Variants in PINLYP observed in about 807,000 individuals in gnomAD.
PINLYP encodes the protein phospholipase A2 inhibitor and Ly6/PLAUR domain-containing protein.
Under a neutral mutation model 15.8 loss-of-function variants are expected in PINLYP, and 12 were observed. That is an observed-to-expected ratio of 0.76 (90% CI 0.49 to 1.23). The LOEUF (loss-of-function observed/expected upper bound fraction) is 1.23, where lower values mean the gene tolerates loss of function less well. Ranked by LOEUF, PINLYP falls within the 50% of genes most tolerant of loss-of-function variation. PINLYP has a pLI of 0.00. For missense variants in PINLYP, 278 were observed against 264.2 expected (o/e 1.05, Z -0.36); for synonymous variants, 93 against 97.7 (o/e 0.95, Z 0.28).
At position 43,581,680 on chromosome 19, in the gene PINLYP, C is replaced by T. The variant is rs1294507945; in HGVS notation, c.458C>T (p.Ser153Phe). ...ACTGGAAAGGAAAACCACTGCGTCT[C>T]CTTATCTGGACACGTGCAGGCTGGT... The change falls in exon 5 of 6, where the codon TCC becomes TTC. Residue 153 changes from serine to phenylalanine, a missense_variant. Coordinates refer to ENST00000599207, the Ensembl canonical transcript of PINLYP. 3 of 1,536,362 alleles carry T rather than the reference C, an allele frequency of 2.0e-6. No homozygotes were observed. The South Asian group carries it at 3.6e-5, about 18-fold the overall frequency.
rs35099263 is a variant in PINLYP, at chr19:43,576,476, C to CCA, written c.-503_-502dup. Among the ~76,000 whole-genome samples, 27,265 of 150,462 alleles carry CCA rather than the reference C, an allele frequency of 0.18. 2,485 individuals carry two copies. Among genetic ancestry groups the CCA allele is most frequent in the Non-Finnish European group, 0.2 (13,799 of 67,434 alleles). On this transcript the variant is annotated 5_prime_UTR_variant, in exon 1 of 6. An upstream open reading frame in the 5' UTR gains an earlier in-frame stop. Coordinates refer to ENST00000599207, the Ensembl canonical transcript of PINLYP. ...ACACAAAGCATGTGCCCAACCCCCA[C>CCA]CACACACACACACACACACCCCTAT...
intron 3 of PINLYP, chr19:43,580,604 A>G (rs1250136414): frequency 1.2e-5 from 8 of 656,990 alleles, no homozygotes; most frequent in African/African-American, 1.1e-4. Context: ...CCGGAAGGAC[A>G]GGGAGAGAGG....
chr19:43,580,570 T>C, intron 3 of PINLYP: 1 of 956,374 alleles, frequency 1.0e-6, no homozygotes, highest in Non-Finnish European at 1.2e-6. Flanking sequence ...GGGGTGGCCA[T>C]AGGCGGCCTG....
intron 3 of PINLYP, 177 bp downstream of exon 3, chr19:43,578,883 G>A (rs1174662419): frequency 1.7e-6 from 1 of 572,006 alleles, no homozygotes; most frequent in South Asian, 1.9e-5. Context: ...GAAATAAGTG[G>A]TGTGATAGAA....
At chr19:43,575,585 G>A, upstream of PINLYP, 1 of 1,041,950 alleles carries the variant, frequency 9.6e-7, no homozygotes, top group Non-Finnish European at 1.3e-6. Context: ...CGAGGCTCGG[G>A]CCTTTCAAAC....
chr19:43,577,497 G>A (rs1320339003), intron 2 of PINLYP, among the ~76,000 whole-genome samples: 3 of 151,918 alleles, frequency 2.0e-5, no homozygotes, highest in Non-Finnish European at 4.4e-5. Context: ...GGCTTGGTGG[G>A]CTCTGAATCC....
chr19:43,577,364 C>G (rs1194548200), intron 2 of PINLYP, 103 bp downstream of exon 2: 48 of 1,224,148 alleles, frequency 3.9e-5, no homozygotes, highest in Non-Finnish European at 5.0e-5. Context: ...TTCAGCAAGT[C>G]CTCAAGGTGA....
At chr19:43,579,953 C>G (rs571655516) in intron 3 of PINLYP, among the ~76,000 whole-genome samples, 2 of 151,970 alleles carry the variant, frequency 1.3e-5, no homozygotes, top group East Asian at 3.9e-4. Context: ...AAAGAGACCA[C>G]CCCAGACCTG....
chr19:43,576,301 C>A (rs1212344020), exon 1 of PINLYP, among the ~76,000 whole-genome samples: 2 of 152,138 alleles, frequency 1.3e-5, no homozygotes, highest in Non-Finnish European at 2.9e-5. Context: ...ATGGCTCAGG[C>A]GGCTGCACTC....
rs1370165516 is a variant in PINLYP, at chr19:43,581,656, C to T, written c.434C>T (p.Thr145Ile). The T allele has an allele frequency of 5.9e-6, 9 of 1,536,444 alleles. No individual in the cohort carries two copies. The highest frequency in any genetic ancestry group is 7.8e-6 in the Non-Finnish European group (9 of 1,146,984). Residue 145 changes from threonine to isoleucine, a missense_variant, in exon 5 of 6, where the codon ACT becomes ATT. By Grantham distance (89) the Thr-to-Ile change is moderately conservative. Transcript: ENST00000599207. ...TGCATGGGGCCCATGACCCACTGTACTGGAAAGGAAAACCACTGCGTCTCC... is the reference window on the plus strand; with the variant it reads ...TGCATGGGGCCCATGACCCACTGTATTGGAAAGGAAAACCACTGCGTCTCC...
chr19:43,581,836 T>A, intron 5 of PINLYP, 32 bp from the exon 6 acceptor site: 1 of 1,536,152 alleles, frequency 6.5e-7, no homozygotes, highest in Non-Finnish European at 8.7e-7. Context: ...GGGGCTGAGG[T>A]CCCTGATTCC....
At chr19:43,580,161 G>A (rs1972912710) in intron 3 of PINLYP, among the ~76,000 whole-genome samples, 1 of 152,112 alleles carries the variant, frequency 6.6e-6, no homozygotes, top group South Asian at 2.1e-4. Flanking sequence ...AAATCACCCA[G>A]CCAGCGTTGG....
chr19:43,581,055 C>T, intron 3 of PINLYP, 157 bp from the exon 4 acceptor site: 1 of 917,250 alleles, frequency 1.1e-6, no homozygotes, highest in Non-Finnish European at 1.6e-6. Flanking sequence ...TGGGCAACTC[C>T]GTCTAAAAAA....
chr19:43,578,861 A>T (rs1181560723), intron 3 of PINLYP, 155 bp downstream of exon 3: 2 of 619,624 alleles, frequency 3.2e-6, no homozygotes, highest in Non-Finnish European at 2.9e-6. Flanking sequence ...CCATCATGAG[A>T]TGGAGGGAAC....
chr19:43,577,382 G>A, intron 2 of PINLYP, 121 bp downstream of exon 2: 3 of 1,070,032 alleles, frequency 2.8e-6, no homozygotes, highest in Non-Finnish European at 3.8e-6. Context: ...TGAACGGGGA[G>A]GCATTCTGGA....
upstream of PINLYP, chr19:43,575,596 C>T (rs1349789446): frequency 4.7e-6 from 4 of 853,748 alleles, no homozygotes; most frequent in East Asian, 3.1e-5. Flanking sequence ...CCTTTCAAAC[C>T]CCGGCGCGCC....
intron 4 of PINLYP, 57 bp from the exon 5 acceptor site, chr19:43,581,506 G>C (rs1041045356): frequency 6.6e-7 from 1 of 1,511,402 alleles, no homozygotes; most frequent in Non-Finnish European, 8.8e-7. Context: ...GTTGTTGGGA[G>C]GTTGGGGGAA....
chr19:43,576,544 A>G (rs904185923), exon 1 of PINLYP, among the ~76,000 whole-genome samples: 6 of 152,112 alleles, frequency 3.9e-5, no homozygotes, highest in African/African-American at 1.4e-4. Context: ...CAATATGTGG[A>G]CTGTGGGCAT....
chr19:43,576,506 G>C (rs1972866047), exon 1 of PINLYP, among the ~76,000 whole-genome samples: 1 of 152,000 alleles, frequency 6.6e-6, no homozygotes, highest in Non-Finnish European at 1.5e-5. Flanking sequence ...CCCTATCCTG[G>C]AGTTCTTCCA....
Sources: allele counts gnomAD v4.1 joint callset (sites outside exome capture counted in the v4.1 genomes callset), GRCh38; gene constraint gnomAD v4.1.1; transcripts MANE v1.5; gene names NCBI Gene and HGNC (gene_info 2026-07-23, HGNC 2026-07-21).